Variants in SPTLC2 observed in about 807,000 individuals in gnomAD.
The protein encoded by SPTLC2 is serine palmitoyltransferase long chain base subunit 2, also known as serine palmitoyltransferase 2.
In SPTLC2, 21 loss-of-function variants were observed where a neutral mutation model predicts 62.0. The observed-to-expected ratio is 0.34, with a 90% CI of 0.24 to 0.49. The LOEUF (loss-of-function observed/expected upper bound fraction) is 0.49, where lower values mean the gene tolerates loss of function less well. Ranked by LOEUF, SPTLC2 falls within the 20% of genes least tolerant of loss-of-function variation. The probability of loss-of-function intolerance (pLI) is 0.99; values close to 1 mark genes in which losing one functional copy is unlikely to be tolerated. For synonymous variants in SPTLC2, 261 were observed against 261.8 expected (o/e 1.00, Z 0.03); for missense variants, 511 against 713.0 (o/e 0.72, Z 3.23).
chr14:77,524,439 T>TAAA (rs58888508), intron 9 of SPTLC2, among the ~76,000 whole-genome samples: 3 of 133,984 alleles, frequency 2.2e-5, no homozygotes, highest in African/African-American at 8.2e-5. Context: ...TAGCCTCTGT[T>TAAA]AAAAAAAAAA....
In SPTLC2 at chr14:77,512,056, A is replaced by G; in HGVS notation, c.*228T>C. The G allele has an allele frequency of 1.7e-6, 1 of 586,882 alleles. No homozygotes were observed. The highest frequency in any genetic ancestry group is 3.0e-6 in the Non-Finnish European group (1 of 334,272). 36.4% of individuals were successfully genotyped at this position (586,882 alleles called of 1,614,324 possible). Reference sequence around the variant, plus strand: ...GTTTTTTTAATGGACTGAAAAAGCAAAGTGAGTCACCTTCGTTTTTAAAGG... The same window carrying G: ...GTTTTTTTAATGGACTGAAAAAGCAGAGTGAGTCACCTTCGTTTTTAAAGG... On this transcript the variant is annotated 3_prime_UTR_variant, in exon 12 of 12. Coordinates refer to ENST00000216484, the MANE Select transcript of SPTLC2 (RefSeq NM_004863.4).
At chr14:77,560,076 C>T (rs1363091341) in intron 6 of SPTLC2, among the ~76,000 whole-genome samples, 1 of 151,924 alleles carries the variant, frequency 6.6e-6, no homozygotes. Context: ...ATCTAATAAG[C>T]AATGAAATAA....
rs960229806 is a variant in SPTLC2 at position 77,515,701 on chromosome 14, C to G, written c.1569+2337G>C. 2.0e-4 allele frequency among the ~76,000 whole-genome samples: 31 copies of G among 152,020 alleles called. 1 individual carries two copies. Among genetic ancestry groups the G allele is most frequent in the Admixed American group, 9.2e-4 (14 of 15,258 alleles). On this transcript the variant is annotated intron_variant, in intron 11 of 11. Transcript: ENST00000216484. ...AGTAGCTGGGATTACAGGTGCCCCC[C>G]ACCATGCCTGGCTAATTTTTTGTAT... is the stretch of plus-strand genomic sequence containing the variant.
At chr14:77,528,356 C>T (rs1184013612) in intron 9 of SPTLC2, among the ~76,000 whole-genome samples, 2 of 152,026 alleles carry the variant, frequency 1.3e-5, no homozygotes, top group African/African-American at 2.4e-5. Flanking sequence ...CTCAGCCTCC[C>T]GAGTAGCTGG....
At chr14:77,586,078 C>CTTTTTTTT (rs57174185) in intron 2 of SPTLC2, among the ~76,000 whole-genome samples, 3 of 137,464 alleles carry the variant, frequency 2.2e-5, no homozygotes, top group East Asian at 2.1e-4. Flanking sequence ...TTTCTTTTTT[C>CTTTTTTTT]TTTTTTTTTT....
intron 9 of SPTLC2, among the ~76,000 whole-genome samples, chr14:77,533,310 A>AAAAAAAAAAAAAAAC (rs2079450931): frequency 6.6e-6 from 1 of 152,018 alleles, no homozygotes; most frequent in Non-Finnish European, 1.5e-5. Context: ...CAAAAAAAAA[A>AAAAAAAAAAAAAAAC]AAAAAAAAAA....
At chr14:77,565,062 A>G (rs1026546687) in intron 5 of SPTLC2, among the ~76,000 whole-genome samples, 2 of 151,974 alleles carry the variant, frequency 1.3e-5, no homozygotes, top group Non-Finnish European at 2.9e-5. Flanking sequence ...CAACGTGGTG[A>G]AACCCCATCT....
At chr14:77,568,588 C>CATG (rs1345289926) in intron 5 of SPTLC2, among the ~76,000 whole-genome samples, 1 of 152,022 alleles carries the variant, frequency 6.6e-6, no homozygotes, top group Non-Finnish European at 1.5e-5. Context: ...GCAGGCAGAT[C>CATG]ATGAGGTCAG....
chr14:77,560,138 C>T (rs1189179099), intron 6 of SPTLC2, among the ~76,000 whole-genome samples: 1 of 152,144 alleles, frequency 6.6e-6, no homozygotes, highest in Non-Finnish European at 1.5e-5. Flanking sequence ...AAATGATTCA[C>T]CATAGCCTAT....
At chr14:77,548,706 AG>A (rs761504967) in intron 9 of SPTLC2, among the ~76,000 whole-genome samples, 21 of 152,132 alleles carry the variant, frequency 1.4e-4, no homozygotes, top group Non-Finnish European at 2.8e-4. Context: ...CTGTCAACCT[AG>A]TCATATGTCC....
At chr14:77,545,876 G>A (rs984975138) in intron 9 of SPTLC2, among the ~76,000 whole-genome samples, 9 of 152,136 alleles carry the variant, frequency 5.9e-5, no homozygotes, top group Non-Finnish European at 1.0e-4. Flanking sequence ...ATTTGGATTT[G>A]GAAGAAAAAG....
At chr14:77,543,049 C>A (rs74928751) in intron 9 of SPTLC2, among the ~76,000 whole-genome samples, 1 of 152,044 alleles carries the variant, frequency 6.6e-6, no homozygotes, top group Non-Finnish European at 1.5e-5. Context: ...GACAGAAAGT[C>A]TTTTGTTTGT....
chr14:77,578,598 T>C (rs1595001611), intron 3 of SPTLC2, among the ~76,000 whole-genome samples: 1 of 152,118 alleles, frequency 6.6e-6, no homozygotes, highest in East Asian at 1.9e-4. Context: ...TGCATGCCTG[T>C]AGTCCCAGCT....
chr14:77,514,767 C>T (rs1245210317), intron 11 of SPTLC2, among the ~76,000 whole-genome samples: 3 of 152,252 alleles, frequency 2.0e-5, no homozygotes, highest in South Asian at 2.1e-4. Context: ...ATTTTTATCA[C>T]CCTAAAAAGC....
intron 6 of SPTLC2, among the ~76,000 whole-genome samples, chr14:77,558,921 T>A (rs2079599847): frequency 6.6e-6 from 1 of 152,164 alleles, no homozygotes; most frequent in Admixed American, 6.5e-5. Context: ...CAGAGAGCAA[T>A]GTATGGCGAT....
chr14:77,545,438 T>G (rs2079523010), intron 9 of SPTLC2, among the ~76,000 whole-genome samples: 1 of 152,120 alleles, frequency 6.6e-6, no homozygotes, highest in Non-Finnish European at 1.5e-5. Flanking sequence ...GGCTAAATTT[T>G]TTTGTATTTC....
At chr14:77,584,033 C>T (rs192032858) in intron 2 of SPTLC2, among the ~76,000 whole-genome samples, 1 of 152,312 alleles carries the variant, frequency 6.6e-6, no homozygotes, top group East Asian at 1.9e-4. Context: ...GCCTTCTCAA[C>T]TCAAGAGAAC....
intron 4 of SPTLC2, among the ~76,000 whole-genome samples, chr14:77,573,927 C>A (rs1332211363): frequency 1.3e-5 from 2 of 152,144 alleles, no homozygotes; most frequent in Non-Finnish European, 2.9e-5. Flanking sequence ...CCACTGTGCC[C>A]GGCCAGAAGA....
chr14:77,506,062 C>T lies in SPTLC2; in HGVS notation c.*6222G>A, dbSNP rs1007700696. The stretch of plus-strand genomic sequence containing the variant: ...GCATGGGATGCTTCTTAAGTCATCT[C>T]AAGTAGTTCCCCTTCAGTTCTTAAC... On this transcript the variant is annotated 3_prime_UTR_variant, in exon 12 of 12. Transcript: ENST00000216484. 1 of 152,158 alleles carries T rather than the reference C, an allele frequency of 6.6e-6. No individual in the cohort carries two copies. The highest frequency in any genetic ancestry group is 2.4e-5 in the African/African-American group (1 of 41,422). The allele number at this position is 152,158 out of a possible 1,614,324, so 9.4% of individuals were successfully genotyped here.
Sources: gnomAD v4.1 joint callset for allele counts (sites outside exome capture counted in the v4.1 genomes callset) on GRCh38, gnomAD v4.1.1 for gene constraint, MANE v1.5 for transcripts, NCBI Gene and HGNC (gene_info 2026-07-23, HGNC 2026-07-21) for gene names.